SLC35F4: variants seen among roughly 807,000 people sequenced by gnomAD.
The protein encoded by SLC35F4 is chromosome 14 open reading frame 36.
Under a neutral mutation model 44.2 loss-of-function variants are expected in SLC35F4, and 24 were observed. The ratio of observed to expected loss-of-function variants is 0.54; its 90% confidence interval spans 0.39 to 0.76. SLC35F4 has a LOEUF of 0.76. Among genes scored for constraint, SLC35F4 ranks in the 30% least tolerant of loss-of-function variants. SLC35F4 has a pLI of 0.00. For synonymous variants in SLC35F4, 238 were observed against 223.6 expected, an observed-to-expected ratio of 1.06 and a Z score of -0.57; for missense variants, 562 against 586.1, an observed-to-expected ratio of 0.96 and a Z score of 0.42.
intron 1 of SLC35F4, among the ~76,000 whole-genome samples, chr14:57,809,921 T>C (rs974549746): frequency 1.3e-5 from 2 of 152,248 alleles, no homozygotes; most frequent in African/African-American, 2.4e-5. Flanking sequence ...GCAGGACTCA[T>C]GGGATTTAAT....
chr14:57,690,129 C>G (rs2075186302), intron 1 of SLC35F4, among the ~76,000 whole-genome samples: 2 of 152,110 alleles, frequency 1.3e-5, no homozygotes, highest in African/African-American at 4.8e-5. Flanking sequence ...ACCAATTGAC[C>G]AAGTCAGCAT....
chr14:57,821,937 G>A (rs1306472435), intron 1 of SLC35F4, among the ~76,000 whole-genome samples: 3 of 152,170 alleles, frequency 2.0e-5, no homozygotes, highest in Non-Finnish European at 2.9e-5. Flanking sequence ...ACCTAAGGAG[G>A]TGCCCACTCT....
intron 1 of SLC35F4, among the ~76,000 whole-genome samples, chr14:57,872,754 C>G (rs1015482653): frequency 6.6e-6 from 1 of 152,160 alleles, no homozygotes; most frequent in Admixed American, 6.5e-5. Flanking sequence ...ACTTTTGCAG[C>G]CTCTTGCCCA....
intron 1 of SLC35F4, among the ~76,000 whole-genome samples, chr14:57,640,051 G>C (rs1196007932): frequency 6.6e-6 from 1 of 151,836 alleles, no homozygotes; most frequent in Non-Finnish European, 1.5e-5. Flanking sequence ...TATTTCCTTT[G>C]AATATCACAA....
chr14:57,818,447 G>A (rs376086911), intron 1 of SLC35F4, among the ~76,000 whole-genome samples: 5 of 152,106 alleles, frequency 3.3e-5, no homozygotes, highest in Non-Finnish European at 7.4e-5. Flanking sequence ...TAGACTACTG[G>A]GCAAAGAAAG....
rs142409960 is a variant in SLC35F4 at position 57,737,311 on chromosome 14, C to A, written c.103+128412G>T. 9.2e-3 allele frequency among the ~76,000 whole-genome samples: 1,405 copies of A among 152,120 alleles called. 15 individuals carry two copies. Among genetic ancestry groups the A allele is most frequent in the South Asian group, 0.044 (210 of 4,820 alleles). On this transcript the variant is annotated intron_variant, in intron 1 of 7. Coordinates refer to ENST00000556826, the MANE Select transcript of SLC35F4 (RefSeq NM_001306087.2). ...GGGCTGACATATCACCCCTATAGAT[C>A]TCTTTTCCTCCAATCTACTCCCTAT...
intron 1 of SLC35F4, among the ~76,000 whole-genome samples, chr14:57,671,677 G>A (rs1006130205): frequency 2.6e-5 from 4 of 151,734 alleles, no homozygotes; most frequent in Non-Finnish European, 4.4e-5. Flanking sequence ...GCTATGGGGT[G>A]AAACTCCTTC....
At chr14:57,760,482 T>G (rs547325151) in intron 1 of SLC35F4, among the ~76,000 whole-genome samples, 3 of 152,320 alleles carry the variant, frequency 2.0e-5, no homozygotes, top group Non-Finnish European at 4.4e-5. Context: ...AGCTTTGTTC[T>G]GGCTATCCAG....
At chr14:57,781,786 T>C (rs1191745535) in intron 1 of SLC35F4, among the ~76,000 whole-genome samples, 3 of 152,138 alleles carry the variant, frequency 2.0e-5, no homozygotes, top group Non-Finnish European at 4.4e-5. Context: ...CTGGAGGCCA[T>C]CATCCTTAGC....
chr14:57,943,599 T>C (rs1452924327), intron 1 of SLC35F4, among the ~76,000 whole-genome samples: 1 of 152,198 alleles, frequency 6.6e-6, no homozygotes, highest in Non-Finnish European at 1.5e-5. Flanking sequence ...AGTGTCATGA[T>C]GTAACGGGAC....
chr14:57,604,472 A>T (rs949928252), intron 1 of SLC35F4, among the ~76,000 whole-genome samples: 1 of 152,238 alleles, frequency 6.6e-6, no homozygotes, highest in Non-Finnish European at 1.5e-5. Context: ...AAATGAATGG[A>T]AAAACATCCC....
At chr14:57,672,714 T>A (rs1816077680) in intron 1 of SLC35F4, among the ~76,000 whole-genome samples, 1 of 152,108 alleles carries the variant, frequency 6.6e-6, no homozygotes, top group African/African-American at 2.4e-5. Flanking sequence ...AAAAAATTCA[T>A]GAATAATGTA....
intron 1 of SLC35F4, among the ~76,000 whole-genome samples, chr14:57,694,815 A>T (rs989139894): frequency 7.2e-5 from 11 of 152,144 alleles, no homozygotes; most frequent in Non-Finnish European, 1.3e-4. Flanking sequence ...TGGCATTTCA[A>T]TTTTTAAACT....
At chr14:57,600,233 T>C (rs1175539141) in intron 1 of SLC35F4, among the ~76,000 whole-genome samples, 2 of 152,206 alleles carry the variant, frequency 1.3e-5, no homozygotes, top group African/African-American at 4.8e-5. Flanking sequence ...AACTCATCTT[T>C]TATAAGTGTG....
chr14:57,871,011 T>C (rs1888286723), upstream of SLC35F4, among the ~76,000 whole-genome samples: 1 of 152,196 alleles, frequency 6.6e-6, no homozygotes, highest in Non-Finnish European at 1.5e-5. Flanking sequence ...TACTTCATAC[T>C]AGGAAAGGGA....
intron 1 of SLC35F4, among the ~76,000 whole-genome samples, chr14:57,605,767 A>C (rs2071125344): frequency 2.6e-5 from 4 of 152,332 alleles, no homozygotes; most frequent in African/African-American, 7.2e-5. Context: ...ACACCATGGA[A>C]TATTATACAG....
intron 1 of SLC35F4, among the ~76,000 whole-genome samples, chr14:57,632,838 C>T (rs1449839728): frequency 1.3e-5 from 2 of 151,994 alleles, no homozygotes; most frequent in East Asian, 3.9e-4. Flanking sequence ...GAGTATCATA[C>T]AGAGTACTTT....
rs528847418 is a variant in SLC35F4 at position 57,672,224 on chromosome 14, C to G, written c.104-78100G>C. ...TATTCCACTACCTGTTTTCCTGTCA[C>G]CCCTTGTATCACCTTGCAGCTGTGC... On this transcript the variant is annotated intron_variant, in intron 1 of 7. Transcript: ENST00000556826. Among the ~76,000 whole-genome samples the G allele has an allele frequency of 3.3e-5, 5 of 152,196 alleles. No individual in the cohort carries two copies. The South Asian group carries it at 1.0e-3, about 32-fold the overall frequency.
chr14:57,907,119 C>G (rs1424532435), intron 1 of SLC35F4, among the ~76,000 whole-genome samples: 1 of 152,170 alleles, frequency 6.6e-6, no homozygotes, highest in East Asian at 1.9e-4. Flanking sequence ...ATCTCTCTTG[C>G]TCTGTTGTCC....
Sources: allele counts gnomAD v4.1 joint callset (sites outside exome capture counted in the v4.1 genomes callset), GRCh38; gene constraint gnomAD v4.1.1; transcripts MANE v1.5; gene names NCBI Gene and HGNC (gene_info 2026-07-23, HGNC 2026-07-21).